ANKRD18B: variants seen among roughly 807,000 people sequenced by gnomAD.
The protein encoded by ANKRD18B is ankyrin repeat domain-containing protein 18B.
ANKRD18B carries 75 observed loss-of-function variants against 111.8 expected under a neutral mutation model. That is an observed-to-expected ratio of 0.67 (90% CI 0.56 to 0.81). The LOEUF is 0.81. ANKRD18B is among the 40% of genes least tolerant of loss of function. The probability of loss-of-function intolerance (pLI) is 0.00; values close to 1 mark genes in which losing one functional copy is unlikely to be tolerated. For missense variants in ANKRD18B, 1,038 were observed against 1,225.5 expected (o/e 0.85, Z 2.28); for synonymous variants, 356 against 417.3 (o/e 0.85, Z 1.79).
At chr9:33,543,556 G>A (rs1194720260) in intron 10 of ANKRD18B, among the ~76,000 whole-genome samples, 4 of 150,158 alleles carry the variant, frequency 2.7e-5, no homozygotes, top group Middle Eastern at 6.8e-3. Flanking sequence ...AAATTGAGTT[G>A]TATTACTAAG....
chr9:33,573,242 G>A (rs1040024748), downstream of ANKRD18B: 3 of 985,214 alleles, frequency 3.0e-6, no homozygotes, highest in Admixed American at 1.8e-4. Context: ...TTCCCATCAT[G>A]CGCTCACTAG....
intron 10 of ANKRD18B, among the ~76,000 whole-genome samples, chr9:33,543,506 A>G (rs1251525896): frequency 6.6e-6 from 1 of 152,146 alleles, no homozygotes; most frequent in East Asian, 1.9e-4. Context: ...TTGCTCTTTT[A>G]TTTTTATAAT....
At chr9:33,564,494 AC>A (rs1218693179) in intron 14 of ANKRD18B, among the ~76,000 whole-genome samples, 5 of 152,216 alleles carry the variant, frequency 3.3e-5, no homozygotes, top group African/African-American at 1.2e-4. Flanking sequence ...GAATAGTGCT[AC>A]AGTAAACATG....
At position 33,554,870 on chromosome 9, in the gene ANKRD18B, G is replaced by A. The variant is rs868653688; in HGVS notation, c.2218-838G>A. Among the ~76,000 whole-genome samples the A allele has an allele frequency of 7.9e-5, 12 of 152,010 alleles. No homozygotes were observed. The East Asian group carries it at 9.6e-4, about 12-fold the overall frequency. On this transcript the variant is annotated intron_variant, in intron 12 of 18. Transcript: ENST00000684830. ...TACAGTTACAGTGGTGTGAAAGCAC[G>A]GATACAGAGGCAGAACAATTAATTA...
intron 1 of ANKRD18B, among the ~76,000 whole-genome samples, chr9:33,526,961 A>G (rs1354870172): frequency 1.3e-5 from 2 of 152,182 alleles, no homozygotes; most frequent in African/African-American, 4.8e-5. Context: ...CATAACCTGA[A>G]TATGTTATGT....
chr9:33,537,405 C>T (rs553963502), intron 6 of ANKRD18B, among the ~76,000 whole-genome samples: 11 of 152,118 alleles, frequency 7.2e-5, no homozygotes, highest in African/African-American at 2.4e-4. Flanking sequence ...CTTTAGAATT[C>T]AGAGTTATTT....
At chr9:33,541,928 G>A (rs1324197340) in intron 9 of ANKRD18B, among the ~76,000 whole-genome samples, 1 of 152,094 alleles carries the variant, frequency 6.6e-6, no homozygotes. Flanking sequence ...TGATGCCCCT[G>A]TCACCATCCT....
chr9:33,546,927 G>T (rs944536851), intron 10 of ANKRD18B, among the ~76,000 whole-genome samples: 1 of 152,078 alleles, frequency 6.6e-6, no homozygotes, highest in Non-Finnish European at 1.5e-5. Context: ...TAGAAACTCA[G>T]CAGTTTCACT....
Position 33,540,194 on chromosome 9 carries a change from C to T in ANKRD18B, c.979C>T (p.His327Tyr), listed in dbSNP as rs1415029908. The change falls in exon 8 of 19, where the codon CAC becomes TAC. Residue 327 changes from histidine (H) to tyrosine (Y), a missense_variant. By Grantham distance (83) the His-to-Tyr change is moderately conservative. Coordinates refer to ENST00000684830, the MANE Select transcript of ANKRD18B (RefSeq NM_001393611.1). ...LSLPRSWDNR[H>Y]MRPCPETAAM... ...CCTCCCGAGGAGCTGGGACAACAGGCACATGCGACCATGCCCAGGTAATTT... is the reference window on the plus strand; with the variant it reads ...CCTCCCGAGGAGCTGGGACAACAGGTACATGCGACCATGCCCAGGTAATTT... 1 of 151,062 alleles carries T rather than the reference C, an allele frequency of 6.6e-6. No homozygotes were observed. Among genetic ancestry groups the T allele is most frequent in the African/African-American group, 2.4e-5 (1 of 41,050 alleles). 9.4% of individuals were successfully genotyped at this position (151,062 alleles called of 1,614,324 possible).
chr9:33,565,373 A>G (rs959083497), intron 14 of ANKRD18B, among the ~76,000 whole-genome samples: 1 of 152,202 alleles, frequency 6.6e-6, no homozygotes, highest in African/African-American at 2.4e-5. Context: ...TACCCCAAGA[A>G]TCATTACTTC....
At chr9:33,549,275 TTACTG>T (rs757972562) in intron 11 of ANKRD18B, among the ~76,000 whole-genome samples, 19 of 152,192 alleles carry the variant, frequency 1.2e-4, no homozygotes, top group Non-Finnish European at 2.8e-4. Flanking sequence ...AAAAAAGTGT[TTACTG>T]TATCAGCTTG....
intron 3 of ANKRD18B, among the ~76,000 whole-genome samples, chr9:33,532,311 A>G (rs1264111083): frequency 2.0e-5 from 3 of 152,212 alleles, no homozygotes; most frequent in Non-Finnish European, 4.4e-5. Context: ...TCAGTATTAG[A>G]ACTTTTTTTG....
At chr9:33,549,677 C>G (rs901121093) in intron 11 of ANKRD18B, among the ~76,000 whole-genome samples, 1 of 152,022 alleles carries the variant, frequency 6.6e-6, no homozygotes, top group African/African-American at 2.4e-5. Flanking sequence ...TGACTTAAGT[C>G]TGAAAATATG....
At position 33,559,464 on chromosome 9, in the gene ANKRD18B, A is replaced by G. The variant is rs542155150; in HGVS notation, c.2460+1277A>G. Among the ~76,000 whole-genome samples the G allele has an allele frequency of 2.6e-5, 4 of 152,210 alleles. No homozygotes were observed. The East Asian group carries it at 7.7e-4, about 29-fold the overall frequency. ...AGAATCAGGTTAGAAAGTAAACCAC[A>G]TTATAAGAGTTAATAAAACCCATCT... On this transcript the variant is annotated intron_variant, in intron 14 of 18. Coordinates refer to ENST00000684830, the MANE Select transcript of ANKRD18B (RefSeq NM_001393611.1).
In ANKRD18B at chr9:33,548,082, A is replaced by G. The variant is rs1828387146; in HGVS notation, c.1294A>G (p.Ser432Gly). 1 of 1,535,790 alleles carries G rather than the reference A, an allele frequency of 6.5e-7. No individual in the cohort carries two copies. Among genetic ancestry groups the G allele is most frequent in the Non-Finnish European group, 8.8e-7 (1 of 1,142,282 alleles). Reference protein sequence around the residue: ...KEKKYIQEIKSITEINANFEK... With the variant: ...KEKKYIQEIKGITEINANFEK... ...AAAGAAATATATTCAGGAAATTAAA[A>G]GTATTACAGAAATAAATGCTAACTT... The change falls in exon 11 of 19, where the codon AGT becomes GGT. Residue 432 changes from serine to glycine, a missense_variant. This residue lies in a region of ANKRD18B where 205 missense variants were observed against 201.3 expected (regional missense o/e 1.02). Coordinates refer to ENST00000684830, the MANE Select transcript of ANKRD18B (RefSeq NM_001393611.1).
chr9:33,559,774 A>G (rs966631553), intron 14 of ANKRD18B, among the ~76,000 whole-genome samples: 5 of 152,210 alleles, frequency 3.3e-5, no homozygotes, highest in South Asian at 2.1e-4. Flanking sequence ...ACTAGTACCA[A>G]ATAAATTTTG....
chr9:33,527,891 C>T (rs765759306), intron 1 of ANKRD18B, among the ~76,000 whole-genome samples: 10 of 152,038 alleles, frequency 6.6e-5, no homozygotes, highest in South Asian at 2.1e-4. Context: ...TTGTAAATAC[C>T]GCTCCAATAT....
chr9:33,571,371 T>C, intron 18 of ANKRD18B, 80 bp downstream of exon 18: 1 of 599,958 alleles, frequency 1.7e-6, no homozygotes, highest in Non-Finnish European at 2.4e-6. Flanking sequence ...TTCCTTTTCA[T>C]TGTTGGGTTA....
At position 33,567,282 on chromosome 9, in the gene ANKRD18B, A is replaced by T; in HGVS notation, c.2922A>T (p.Lys974Asn). ...AGGAAGCCTTTGCAGTAGCATTGAA[A>T]GCTAACAGTTCCATGTCAGAAAAAA... ...EYKEAFAVAL[K>N]ANSSMSEKIT... The change falls in exon 16 of 19, where the codon AAA (lysine) becomes AAT (asparagine). Residue 974 changes from lysine to asparagine, a missense_variant. This residue lies in a region of ANKRD18B where 524 missense variants were observed against 677.9 expected (regional missense o/e 0.77). Transcript: ENST00000684830. 1 of 1,547,186 alleles carries T rather than the reference A, an allele frequency of 6.5e-7. No homozygotes were observed. Among genetic ancestry groups the T allele is most frequent in the Non-Finnish European group, 8.7e-7 (1 of 1,145,638 alleles).
Sources: allele counts gnomAD v4.1 joint callset (sites outside exome capture counted in the v4.1 genomes callset), GRCh38; gene constraint gnomAD v4.1.1; regional missense constraint gnomAD v4.1.1; transcripts MANE v1.5; gene names NCBI Gene and HGNC (gene_info 2026-07-23, HGNC 2026-07-21).